The following SESTD1 variants were observed in gnomAD, a reference collection of about 807,000 sequenced individuals.
SESTD1 encodes SEC14 and spectrin domain containing 1.
A neutral mutation model predicts 101.7 loss-of-function variants in SESTD1; 43 were observed. The observed-to-expected ratio is 0.42, with a 90% CI of 0.33 to 0.55. The LOEUF is 0.55. SESTD1 is among the 20% of genes least tolerant of loss of function. SESTD1 has a pLI of 0.07. For missense variants in SESTD1, 647 were observed against 815.1 expected (o/e 0.79, Z 2.51); for synonymous variants, 283 against 286.8 (o/e 0.99, Z 0.13).
At chr2:179,127,058 T>A (rs2044890172) in intron 10 of SESTD1, among the ~76,000 whole-genome samples, 1 of 152,252 alleles carries the variant, frequency 6.6e-6, no homozygotes, top group Admixed American at 6.5e-5. Flanking sequence ...CACATAACAT[T>A]TAAAATAAAT....
intron 7 of SESTD1, among the ~76,000 whole-genome samples, chr2:179,149,059 C>CAAAAAAAAAAAAAAAAAAAAAA (rs66636048): frequency 1.7e-5 from 1 of 60,410 alleles, no homozygotes; most frequent in Non-Finnish European, 3.1e-5. Context: ...GACTCCGTCT[C>CAAAAAAAAAAAAAAAAAAAAAA]AAAAAAAAAA....
At chr2:179,143,871 C>A in intron 8 of SESTD1, 68 bp from the exon 9 acceptor site, 1 of 1,517,454 alleles carries the variant, frequency 6.6e-7, no homozygotes, top group Admixed American at 1.8e-5. Context: ...CTCAATATTC[C>A]CAATTCTAGT....
At chr2:179,174,863 T>G (rs890714082) in intron 4 of SESTD1, among the ~76,000 whole-genome samples, 1 of 151,282 alleles carries the variant, frequency 6.6e-6, no homozygotes, top group African/African-American at 2.4e-5. Flanking sequence ...GCAGGAGGAC[T>G]GCCTGAGCCC....
intron 13 of SESTD1, among the ~76,000 whole-genome samples, chr2:179,119,937 T>C (rs896837905): frequency 6.6e-6 from 1 of 152,116 alleles, no homozygotes; most frequent in Non-Finnish European, 1.5e-5. Context: ...TCTTTAAAAA[T>C]TACCCAGTCT....
chr2:179,144,161 T>C (rs988690066), intron 8 of SESTD1, among the ~76,000 whole-genome samples: 7 of 152,076 alleles, frequency 4.6e-5, no homozygotes, highest in Admixed American at 2.6e-4. Context: ...GGTGAATTCA[T>C]TACTCAGGAT....
intron 1 of SESTD1, among the ~76,000 whole-genome samples, chr2:179,236,008 C>T (rs1291545140): frequency 2.0e-5 from 3 of 152,126 alleles, no homozygotes; most frequent in Non-Finnish European, 4.4e-5. Context: ...TGACACAACA[C>T]TCAAGGTGAG....
intron 2 of SESTD1, among the ~76,000 whole-genome samples, chr2:179,189,214 A>C (rs1442225224): frequency 3.3e-5 from 5 of 152,184 alleles, no homozygotes; most frequent in Non-Finnish European, 7.3e-5. Context: ...GCAAACCAAA[A>C]AGTTAATCCT....
chr2:179,156,122 G>A (rs113258194), intron 5 of SESTD1, among the ~76,000 whole-genome samples: 24,519 of 147,342 alleles, frequency 0.17, 3,308 homozygotes, highest in African/African-American at 0.39. Context: ...ATATATATAT[G>A]TGTGTATATA....
In SESTD1 at chr2:179,150,011, T is replaced by C. The variant is rs374260709; in HGVS notation, c.484-617A>G. ...GGGAGGCCGAGGCAGAGGGGTTGCTTGAGCCCAGGAGTTCATGACTGGCCT... is the reference window on the plus strand; with the variant it reads ...GGGAGGCCGAGGCAGAGGGGTTGCTCGAGCCCAGGAGTTCATGACTGGCCT... On this transcript the variant is annotated intron_variant, in intron 6 of 17. Transcript: ENST00000428443. 3.7e-4 allele frequency among the ~76,000 whole-genome samples: 57 copies of C among 152,080 alleles called. 1 individual carries two copies. The highest frequency in any genetic ancestry group is 1.7e-3 in the East Asian group (9 of 5,164).
Position 179,198,663 on chromosome 2 carries a change from G to A in SESTD1, c.-25-6797C>T, listed in dbSNP as rs559968239. Among the ~76,000 whole-genome samples the A allele has an allele frequency of 8.4e-3, 1,269 of 151,502 alleles. 10 individuals are homozygous for A. Among genetic ancestry groups the A allele is most frequent in the African/African-American group, 0.029 (1,179 of 41,222 alleles). Reference sequence around the variant, plus strand: ...AGGATTAAGAATCTCACTCAAAACCGCTCAACTACATGGAAACTGAACAAC... The same window carrying A: ...AGGATTAAGAATCTCACTCAAAACCACTCAACTACATGGAAACTGAACAAC... On this transcript the variant is annotated intron_variant, in intron 1 of 17. Transcript: ENST00000428443.
Position 179,213,256 on chromosome 2 carries a change from C to T in SESTD1, c.-25-21390G>A, listed in dbSNP as rs1373913515. ...AAGGAAGCTAAAATTCTTGAAAAAA[C>T]GTTAGACAAATGGCTAATTAGAATA... On this transcript the variant is annotated intron_variant, in intron 1 of 17. Coordinates refer to ENST00000428443, the MANE Select transcript of SESTD1 (RefSeq NM_178123.5). Among the ~76,000 whole-genome samples, 2 of 134,314 alleles carry T rather than the reference C, an allele frequency of 1.5e-5. 1 individual carries two copies. Among genetic ancestry groups the T allele is most frequent in the African/African-American group, 5.9e-5 (2 of 33,890 alleles). 88.1% of individuals were successfully genotyped at this position (134,314 alleles called of 152,430 possible). A position where few individuals can be genotyped will look rare whatever the true frequency, so the allele number is the denominator to read the frequency against.
Position 179,209,491 on chromosome 2 carries a change from C to T in SESTD1, c.-25-17625G>A, listed in dbSNP as rs2046625648. ...GATAAGCCAAAAAACAAGTCTAATA[C>T]ATTTAAACAAACTGAAATTATATCA... On this transcript the variant is annotated intron_variant, in intron 1 of 17. Coordinates refer to ENST00000428443, the MANE Select transcript of SESTD1 (RefSeq NM_178123.5). 1.5e-5 allele frequency among the ~76,000 whole-genome samples: 2 copies of T among 134,398 alleles called. 1 individual carries two copies. The allele number at this position is 134,398 out of a possible 152,430, so 88.2% of individuals were successfully genotyped here. A position where few individuals can be genotyped will look rare whatever the true frequency, so the allele number is the denominator to read the frequency against.
intron 5 of SESTD1, among the ~76,000 whole-genome samples, chr2:179,158,416 T>C (rs974603507): frequency 6.6e-6 from 1 of 152,180 alleles, no homozygotes; most frequent in African/African-American, 2.4e-5. Flanking sequence ...TTGATAAACA[T>C]GTTTCAAGTT....
intron 17 of SESTD1, 129 bp from the exon 18 acceptor site, chr2:179,110,157 T>C (rs2044476347): frequency 3.5e-6 from 3 of 853,800 alleles, no homozygotes; most frequent in Non-Finnish European, 1.8e-6. Flanking sequence ...TATCAGTTCA[T>C]CGGTGATCAT....
intron 16 of SESTD1, among the ~76,000 whole-genome samples, chr2:179,114,166 C>CACTTATCATCA (rs1167367216): frequency 3.3e-5 from 5 of 152,120 alleles, no homozygotes; most frequent in African/African-American, 9.7e-5. Flanking sequence ...TGTATACTTC[C>CACTTATCATCA]ACTTATCATC....
chr2:179,145,725 A>G (rs145753018), intron 8 of SESTD1, among the ~76,000 whole-genome samples: 171 of 152,326 alleles, frequency 1.1e-3, no homozygotes, highest in African/African-American at 4.0e-3. Context: ...GGATTTAGCT[A>G]TGGAGAGAGA....
chr2:179,159,751 A>T (rs1481879123), intron 5 of SESTD1, among the ~76,000 whole-genome samples: 1 of 152,226 alleles, frequency 6.6e-6, no homozygotes. Context: ...TAGCAAACCT[A>T]TATGAAAGTT....
chr2:179,174,367 A>G (rs1307621057), intron 4 of SESTD1: 1 of 432,182 alleles, frequency 2.3e-6, no homozygotes, highest in Non-Finnish European at 4.6e-6. Context: ...CAGAAAAGAA[A>G]TCGCAAGAGG....
chr2:179,117,124 A>G (rs2044651409), intron 14 of SESTD1, among the ~76,000 whole-genome samples: 2 of 152,228 alleles, frequency 1.3e-5, no homozygotes, highest in Admixed American at 1.3e-4. Flanking sequence ...AATTTTATCT[A>G]TATCTAACTG....
Sources: gnomAD v4.1 joint callset for allele counts (sites outside exome capture counted in the v4.1 genomes callset) on GRCh38, gnomAD v4.1.1 for gene constraint, MANE v1.5 for transcripts, NCBI Gene and HGNC (gene_info 2026-07-23, HGNC 2026-07-21) for gene names.